RANBP2: variants seen among roughly 807,000 people sequenced by gnomAD.
The protein encoded by RANBP2 is RAN binding protein 2, also known as E3 SUMO-protein ligase RanBP2.
A neutral mutation model predicts 303.6 loss-of-function variants in RANBP2; 57 were observed. The observed-to-expected ratio is 0.19, with a 90% CI of 0.15 to 0.23. The LOEUF (loss-of-function observed/expected upper bound fraction) is 0.23, where lower values mean the gene tolerates loss of function less well. RANBP2 is among the 10% of genes least tolerant of loss of function. The pLI is 1.00. For synonymous variants in RANBP2, 1,167 were observed against 1,301.5 expected, an observed-to-expected ratio of 0.90 and a Z score of 2.23; for missense variants, 3,138 against 3,780.8, an observed-to-expected ratio of 0.83 and a Z score of 4.46.
chr2:108,780,873 T>A (rs1306962095), intron 25 of RANBP2, among the ~76,000 whole-genome samples: 1 of 151,960 alleles, frequency 6.6e-6, no homozygotes, highest in South Asian at 2.1e-4. Context: ...CCATGCCTGG[T>A]TAATTTTGTA....
At chr2:109,494,226 T>C in the RANBP2 span, among the ~76,000 whole-genome samples, 2 of 152,312 alleles carry the variant, frequency 1.3e-5, no homozygotes, top group South Asian at 4.1e-4. Context: ...AATTAGAAAA[T>C]TCAGAGACTC....
At chr2:108,939,000 G>A in the RANBP2 span, among the ~76,000 whole-genome samples, 772 of 152,072 alleles carry the variant, frequency 5.1e-3, no homozygotes, top group Non-Finnish European at 6.9e-3. Context: ...GGCTGGTCTC[G>A]AACTCCTGAC....
chr2:109,774,505 T>TATATATATATATATAAA, the RANBP2 span, among the ~76,000 whole-genome samples: 688 of 32,016 alleles, frequency 0.021, 75 homozygotes, highest in South Asian at 0.053. Flanking sequence ...CAAACATATA[T>TATATATATATATATAAA]ATATATATAA....
At chr2:109,089,970 G>A in the RANBP2 span, among the ~76,000 whole-genome samples, 156 of 152,208 alleles carry the variant, frequency 1.0e-3, 1 homozygote, top group African/African-American at 3.5e-3. Context: ...ATGCAAACTG[G>A]CAGTTCAAAT....
chr2:109,248,607 A>G, the RANBP2 span, among the ~76,000 whole-genome samples: 557 of 152,372 alleles, frequency 3.7e-3, 5 homozygotes, highest in African/African-American at 0.012. Context: ...TTGACCAAAC[A>G]TGTATATTAA....
At chr2:109,049,315 C>T in the RANBP2 span, among the ~76,000 whole-genome samples, 9 of 152,198 alleles carry the variant, frequency 5.9e-5, no homozygotes, top group Non-Finnish European at 1.0e-4. Context: ...TCTTCCTTCC[C>T]GCACTTGCCT....
chr2:109,290,840 T>TC, the RANBP2 span, among the ~76,000 whole-genome samples: 1 of 152,370 alleles, frequency 6.6e-6, no homozygotes, highest in East Asian at 1.9e-4. Flanking sequence ...ATCTTTTCCA[T>TC]CCCTGATTTA....
At chr2:109,181,339 T>G in the RANBP2 span, among the ~76,000 whole-genome samples, 2 of 152,224 alleles carry the variant, frequency 1.3e-5, no homozygotes, top group African/African-American at 2.4e-5. Context: ...ATGGGTACAT[T>G]ACTGTTCACT....
At chr2:108,814,756 C>A in the RANBP2 span, among the ~76,000 whole-genome samples, 32 of 151,066 alleles carry the variant, frequency 2.1e-4, no homozygotes, top group African/African-American at 7.8e-4. Flanking sequence ...GGGTTCAAGC[C>A]TCCCGAAGAG....
intron 4 of RANBP2, among the ~76,000 whole-genome samples, chr2:108,735,273 G>C (rs1052537996): frequency 1.3e-5 from 2 of 152,142 alleles, no homozygotes; most frequent in Non-Finnish European, 2.9e-5. Flanking sequence ...AGGAATGTGT[G>C]GCATTAGTCC....
chr2:109,547,528 G>A, the RANBP2 span, among the ~76,000 whole-genome samples: 1 of 152,052 alleles, frequency 6.6e-6, no homozygotes, highest in Non-Finnish European at 1.5e-5. Context: ...ATACAATTCA[G>A]CAGTTTTTCA....
the RANBP2 span, among the ~76,000 whole-genome samples, chr2:109,118,939 C>T: frequency 6.6e-6 from 1 of 152,172 alleles, no homozygotes; most frequent in African/African-American, 2.4e-5. Flanking sequence ...GACCACCTGG[C>T]TGCAGGGGTG....
the RANBP2 span, among the ~76,000 whole-genome samples, chr2:109,523,915 C>T: frequency 6.6e-6 from 1 of 152,194 alleles, no homozygotes; most frequent in Admixed American, 6.5e-5. Flanking sequence ...GCCGTGGTTC[C>T]TACCGAGCCA....
At chr2:109,406,863 A>G in the RANBP2 span, among the ~76,000 whole-genome samples, 10,085 of 151,518 alleles carry the variant, frequency 0.067, 480 homozygotes, top group East Asian at 0.26. Context: ...CCAATCTTAC[A>G]GCCCCGCCCT....
the RANBP2 span, among the ~76,000 whole-genome samples, chr2:108,979,061 A>C: frequency 1.3e-5 from 2 of 152,196 alleles, no homozygotes; most frequent in Non-Finnish European, 2.9e-5. Context: ...TGCCAGCTTC[A>C]AAAACATTCA....
At chr2:109,440,288 G>A in the RANBP2 span, among the ~76,000 whole-genome samples, 1 of 152,208 alleles carries the variant, frequency 6.6e-6, no homozygotes, top group Non-Finnish European at 1.5e-5. Flanking sequence ...TCAGGAAGGG[G>A]AAGCATGGGG....
chr2:109,630,449 G>T, the RANBP2 span, among the ~76,000 whole-genome samples: 4 of 152,100 alleles, frequency 2.6e-5, no homozygotes, highest in African/African-American at 7.2e-5. Context: ...AGAATTATCC[G>T]CTCTAGCCAA....
rs1382397733 is a variant in RANBP2 at position 108,753,524 on chromosome 2, A to G, written c.2016A>G (p.Glu672=). 2 of 1,611,888 alleles carry G rather than the reference A, an allele frequency of 1.2e-6. No individual in the cohort carries two copies. Among genetic ancestry groups the G allele is most frequent in the Admixed American group, 1.7e-5 (1 of 60,020 alleles). Residue 672 remains glutamate (E), a synonymous_variant, in exon 14 of 29, where the codon GAA becomes GAG. Transcript: ENST00000283195. The part of the protein sequence containing the change: ...GNIEDAVTAF[E]SIKSVVSYWN... ...TAGAAGATGCTGTGACTGCTTTTGA[A>G]TCTATAAAAAGTGTTGTTTCTTATT...
the RANBP2 span, among the ~76,000 whole-genome samples, chr2:108,802,771 A>G: frequency 6.6e-6 from 1 of 151,348 alleles, no homozygotes; most frequent in Non-Finnish European, 1.5e-5. Flanking sequence ...TGGGTTTGTC[A>G]TAGATAGCTC....
Sources: gnomAD v4.1 joint callset for allele counts (sites outside exome capture counted in the v4.1 genomes callset) on GRCh38, gnomAD v4.1.1 for gene constraint, MANE v1.5 for transcripts, NCBI Gene and HGNC (gene_info 2026-07-23, HGNC 2026-07-21) for gene names.